The following SNX25 variants were observed in gnomAD, a reference collection of about 807,000 sequenced individuals.
The protein encoded by SNX25 is sorting nexin 25.
A neutral mutation model predicts 113.7 loss-of-function variants in SNX25; 62 were observed. The ratio of observed to expected loss-of-function variants is 0.55; its 90% CI spans 0.44 to 0.67. SNX25 has a LOEUF of 0.67. Among genes scored for constraint, SNX25 ranks in the 30% least tolerant of loss-of-function variants. SNX25 has a pLI of 0.00. For synonymous variants in SNX25, 421 were observed against 436.2 expected (o/e 0.97, Z 0.43); for missense variants, 1,014 against 1,161.0 (o/e 0.87, Z 1.84).
chr4:185,355,945 T>C (rs1256305667), intron 15 of SNX25, among the ~76,000 whole-genome samples: 4 of 152,258 alleles, frequency 2.6e-5, no homozygotes, highest in African/African-American at 9.6e-5. Flanking sequence ...GGAGCAGGGC[T>C]CCTCACCATG....
At chr4:185,212,609 G>C (rs554400789) in intron 1 of SNX25, among the ~76,000 whole-genome samples, 8 of 146,862 alleles carry the variant, frequency 5.4e-5, no homozygotes, top group Non-Finnish European at 1.2e-4. Context: ...CCTCCCAAAG[G>C]GCTAGAATTA....
intron 5 of SNX25, among the ~76,000 whole-genome samples, chr4:185,274,919 T>A (rs908611760): frequency 9.2e-5 from 14 of 152,280 alleles, no homozygotes; most frequent in African/African-American, 2.6e-4. Context: ...AAATCCCATA[T>A]TTAAGGCTGG....
In SNX25 at chr4:185,346,525, T is replaced by A; in HGVS notation, c.2188-12T>A. ...TTTCAAAATACTAACATTTCATTTTTTCCCCCCACAGTGCGTCCCTTCTTT... is the reference window on the plus strand; with the variant it reads ...TTTCAAAATACTAACATTTCATTTTATCCCCCCACAGTGCGTCCCTTCTTT... On this transcript the variant is annotated splice_polypyrimidine_tract_variant and intron_variant, in intron 12 of 18. Coordinates refer to ENST00000652585, the MANE Select transcript of SNX25 (RefSeq NM_001378034.2). 6.6e-7 allele frequency: 1 copy of A among 1,515,054 alleles called. No individual in the cohort carries two copies. Among genetic ancestry groups the A allele is most frequent in the South Asian group, 1.2e-5 (1 of 82,414 alleles). 93.9% of individuals were successfully genotyped at this position (1,515,054 alleles called of 1,614,324 possible).
At chr4:185,239,763 A>ATTTT (rs200021607) in intron 1 of SNX25, among the ~76,000 whole-genome samples, 21 of 122,412 alleles carry the variant, frequency 1.7e-4, no homozygotes, top group South Asian at 2.6e-4. Flanking sequence ...AATAAGGTGT[A>ATTTT]TTTTTTTTTT....
intron 1 of SNX25, among the ~76,000 whole-genome samples, chr4:185,238,559 G>A (rs1743006772): frequency 6.6e-6 from 1 of 152,128 alleles, no homozygotes; most frequent in African/African-American, 2.4e-5. Context: ...CATAGTTTAA[G>A]AATGAGAGTA....
chr4:185,342,549 G>A (rs927454811), intron 12 of SNX25, among the ~76,000 whole-genome samples: 5 of 151,442 alleles, frequency 3.3e-5, no homozygotes, highest in African/African-American at 7.3e-5. Flanking sequence ...AGTAAGGTGC[G>A]GTGCTTGGAG....
chr4:185,245,153 C>G (rs529647371), intron 1 of SNX25, among the ~76,000 whole-genome samples: 2 of 152,054 alleles, frequency 1.3e-5, no homozygotes, highest in African/African-American at 2.4e-5. Context: ...AAAAAATGTT[C>G]TGCAATTTTT....
chr4:185,292,704 T>C (rs1320631030), intron 6 of SNX25, among the ~76,000 whole-genome samples: 1 of 152,114 alleles, frequency 6.6e-6, no homozygotes, highest in East Asian at 1.9e-4. Context: ...CACCCGGCCA[T>C]GGACAGGAGT....
chr4:185,294,224 C>T (rs190273932), intron 6 of SNX25, among the ~76,000 whole-genome samples: 3 of 152,292 alleles, frequency 2.0e-5, no homozygotes, highest in Non-Finnish European at 4.4e-5. Context: ...TCAGCGAGGT[C>T]ATCCCTTCCA....
chr4:185,205,308 G>C (rs112396897), upstream of SNX25, among the ~76,000 whole-genome samples: 19,393 of 152,146 alleles, frequency 0.13, 1,316 homozygotes, highest in African/African-American at 0.15. Flanking sequence ...ACAAAAATTA[G>C]CTGGGCGTGG....
the SNX25 span, chr4:185,375,789 C>G: frequency 9.3e-7 from 1 of 1,079,988 alleles, no homozygotes. Context: ...CCCAAAGGCA[C>G]CAAGTGGTCA....
intron 7 of SNX25, among the ~76,000 whole-genome samples, chr4:185,316,251 T>G (rs2095073483): frequency 6.6e-6 from 1 of 152,240 alleles, no homozygotes; most frequent in Non-Finnish European, 1.5e-5. Context: ...TGTTGTTGTC[T>G]TTCGTGATTC....
At position 185,247,380 on chromosome 4, in the gene SNX25, TA is replaced by T; in HGVS notation, c.514+4del. ...ATATGGATAAAGCTCTGAAAGAAGG[TA>T]AGGATTAAATGAGAGTATATAATTA... On this transcript the variant is annotated splice_donor_region_variant and intron_variant, in intron 2 of 18. Coordinates refer to ENST00000652585, the MANE Select transcript of SNX25 (RefSeq NM_001378034.2). The T allele has an allele frequency of 4.4e-6, 7 of 1,579,158 alleles. No homozygotes were observed. The highest frequency in any genetic ancestry group is 6.1e-6 in the Non-Finnish European group (7 of 1,148,812).
At chr4:185,236,078 A>G (rs1742583661) in intron 1 of SNX25, among the ~76,000 whole-genome samples, 1 of 152,224 alleles carries the variant, frequency 6.6e-6, no homozygotes, top group African/African-American at 2.4e-5. Context: ...TCCGGGCAAC[A>G]TAAGTAAATA....
chr4:185,263,700 A>G (rs1174750395), intron 3 of SNX25, among the ~76,000 whole-genome samples: 1 of 152,198 alleles, frequency 6.6e-6, no homozygotes, highest in African/African-American at 2.4e-5. Context: ...ATTGTTAGCT[A>G]CTAGTTACTG....
intron 1 of SNX25, among the ~76,000 whole-genome samples, chr4:185,211,831 C>A (rs1421378287): frequency 1.3e-5 from 2 of 152,110 alleles, no homozygotes; most frequent in African/African-American, 4.8e-5. Context: ...AGACCATCTC[C>A]CAGGGCATTG....
intron 5 of SNX25, among the ~76,000 whole-genome samples, chr4:185,275,948 C>G (rs777770500): frequency 3.9e-5 from 6 of 152,160 alleles, no homozygotes; most frequent in Admixed American, 6.5e-5. Flanking sequence ...GAAAAATACT[C>G]TAAAAGATCT....
At chr4:185,259,086 C>T in intron 3 of SNX25, 22 bp downstream of exon 3, 1 of 1,592,760 alleles carries the variant, frequency 6.3e-7, no homozygotes, top group Non-Finnish European at 8.6e-7. Context: ...AAGCAACTTA[C>T]CCCCTTTTTT....
chr4:185,246,254 A>G (rs1179699408), intron 1 of SNX25, among the ~76,000 whole-genome samples: 1 of 152,194 alleles, frequency 6.6e-6, no homozygotes, highest in Non-Finnish European at 1.5e-5. Context: ...AGTGAGCACC[A>G]CAGCACTCCA....
Sources: gnomAD v4.1 joint callset for allele counts (sites outside exome capture counted in the v4.1 genomes callset) on GRCh38, gnomAD v4.1.1 for gene constraint, MANE v1.5 for transcripts, NCBI Gene and HGNC (gene_info 2026-07-23, HGNC 2026-07-21) for gene names.